CERT1: variants seen among roughly 807,000 people sequenced by gnomAD.
CERT1 encodes the protein ceramide transporter 1, also known as ceramide transfer protein.
Under a neutral mutation model 87.9 loss-of-function variants are expected in CERT1, and 31 were observed. The ratio of observed to expected loss-of-function variants is 0.35; its 90% CI spans 0.27 to 0.48. The LOEUF is 0.48. Ranked by LOEUF, CERT1 falls within the 20% of genes least tolerant of loss-of-function variation. The pLI is 0.99. For missense variants in CERT1, 487 were observed against 758.0 expected, an observed-to-expected ratio of 0.64 and a Z score of 4.20; for synonymous variants, 289 against 250.9, an observed-to-expected ratio of 1.15 and a Z score of -1.44.
intron 17 of CERT1, chr5:75,372,161 G>C (rs1266631434): frequency 6.6e-6 from 1 of 152,160 alleles, no homozygotes; most frequent in Non-Finnish European, 1.5e-5. Context: ...CCATACTTCT[G>C]TAAAATAAAG....
At chr5:75,422,319 A>T (rs1242030056) in intron 5 of CERT1, among the ~76,000 whole-genome samples, 5 of 152,114 alleles carry the variant, frequency 3.3e-5, no homozygotes, top group Non-Finnish European at 7.4e-5. Flanking sequence ...AAACAGACAC[A>T]AAATAGCTTT....
intron 3 of CERT1, among the ~76,000 whole-genome samples, chr5:75,426,758 T>G (rs1763635342): frequency 6.6e-6 from 1 of 152,156 alleles, no homozygotes; most frequent in Non-Finnish European, 1.5e-5. Flanking sequence ...GAAAGCAGAA[T>G]AGTTGTTACC....
downstream of CERT1, chr5:75,373,840 C>T (rs149004077): frequency 7.2e-4 from 259 of 359,952 alleles, no homozygotes; most frequent in African/African-American, 5.0e-3. Context: ...TAGGCCGGAC[C>T]ATAGTAAATT....
intron 5 of CERT1, among the ~76,000 whole-genome samples, chr5:75,422,557 C>A (rs1201457888): frequency 6.6e-6 from 1 of 152,142 alleles, no homozygotes; most frequent in African/African-American, 2.4e-5. Context: ...GCGGAGGTTG[C>A]AGTGAGCCAA....
chr5:75,454,441 A>G (rs1343737131), intron 3 of CERT1, among the ~76,000 whole-genome samples: 1 of 152,210 alleles, frequency 6.6e-6, no homozygotes, highest in East Asian at 1.9e-4. Flanking sequence ...AGACTACAAA[A>G]ATGATGTCAG....
chr5:75,433,215 C>G (rs935175757), intron 3 of CERT1, among the ~76,000 whole-genome samples: 1 of 152,050 alleles, frequency 6.6e-6, no homozygotes, highest in African/African-American at 2.4e-5. Flanking sequence ...ATAGTTTTTT[C>G]TAATTCTGTG....
chr5:75,389,659 G>A lies in CERT1; in HGVS notation c.1217C>T (p.Thr406Ile), dbSNP rs765040274. The change falls in exon 12 of 17, where the codon ACT becomes ATT. Residue 406 changes from threonine to isoleucine, a missense_variant. By Grantham distance (89) the Thr-to-Ile change is moderately conservative. Around this residue, in one of 8 missense-constraint regions of CERT1, gnomAD observed 91 missense variants for 86.7 expected, o/e 1.05. Transcript: ENST00000643780. ...TCCGCCTACATCCTGTAATGAGTAA[G>A]TCATGTGGTTCTGCACCATCTCTTC... Reference protein sequence around the residue: ...QVEEMVQNHMTYSLQDVGGDA... With the variant: ...QVEEMVQNHMIYSLQDVGGDA... 4 of 1,614,044 alleles carry A rather than the reference G, an allele frequency of 2.5e-6. No homozygotes were observed. The South Asian group carries it at 3.3e-5, about 13-fold the overall frequency.
At chr5:75,430,776 A>G (rs991347155) in intron 3 of CERT1, among the ~76,000 whole-genome samples, 1 of 152,090 alleles carries the variant, frequency 6.6e-6, no homozygotes, top group Non-Finnish European at 1.5e-5. Context: ...AGTGGCTCAC[A>G]CCTGTAATCC....
intron 3 of CERT1, among the ~76,000 whole-genome samples, chr5:75,451,047 A>G (rs75702386): frequency 0.026 from 4,020 of 152,280 alleles, 152 homozygotes; most frequent in African/African-American, 0.087. Flanking sequence ...GTTACTTTAT[A>G]AACCCTCGAC....
intron 2 of CERT1, 151 bp downstream of exon 2, chr5:75,505,831 C>T: frequency 5.8e-6 from 3 of 516,448 alleles, no homozygotes; most frequent in Non-Finnish European, 9.6e-6. Flanking sequence ...ACAGTAAAAT[C>T]ACTTTATGGA....
intron 2 of CERT1, among the ~76,000 whole-genome samples, chr5:75,467,454 A>C (rs1049106467): frequency 6.6e-6 from 1 of 152,058 alleles, no homozygotes; most frequent in Non-Finnish European, 1.5e-5. Flanking sequence ...TAGCCTGGTC[A>C]ACATGGCGAA....
chr5:75,502,319 AG>A (rs1284121545), intron 2 of CERT1, among the ~76,000 whole-genome samples: 1 of 152,144 alleles, frequency 6.6e-6, no homozygotes, highest in African/African-American at 2.4e-5. Flanking sequence ...CTTGCGGGTA[AG>A]GAGAAACAGA....
At chr5:75,463,986 G>A (rs1483722640) in intron 2 of CERT1, among the ~76,000 whole-genome samples, 1 of 152,086 alleles carries the variant, frequency 6.6e-6, no homozygotes, top group Non-Finnish European at 1.5e-5. Flanking sequence ...TACCTGGGAG[G>A]CCTGATGGTT....
At chr5:75,427,174 T>C (rs893874251) in intron 3 of CERT1, among the ~76,000 whole-genome samples, 1 of 152,226 alleles carries the variant, frequency 6.6e-6, no homozygotes, top group Admixed American at 6.5e-5. Context: ...AAATTTTATA[T>C]CTTACCTTCT....
chr5:75,417,726 A>G (rs1257616367), intron 6 of CERT1, among the ~76,000 whole-genome samples: 1 of 152,252 alleles, frequency 6.6e-6, no homozygotes, highest in Non-Finnish European at 1.5e-5. Flanking sequence ...ACTTAAATCA[A>G]AATGTAAAAT....
intron 2 of CERT1, among the ~76,000 whole-genome samples, chr5:75,483,473 G>A (rs140766542): frequency 3.9e-5 from 6 of 152,050 alleles, no homozygotes; most frequent in Non-Finnish European, 5.9e-5. Context: ...GATTCAAAGC[G>A]ATAACAACAG....
intron 3 of CERT1, among the ~76,000 whole-genome samples, chr5:75,443,056 G>A (rs948192678): frequency 1.3e-5 from 2 of 152,080 alleles, no homozygotes; most frequent in African/African-American, 2.4e-5. Context: ...AGGTAGGACT[G>A]CTATAACATC....
At chr5:75,506,145 G>C in intron 1 of CERT1, 29 bp from the exon 2 acceptor site, 1 of 1,594,572 alleles carries the variant, frequency 6.3e-7, no homozygotes, top group Non-Finnish European at 8.5e-7. Context: ...AGGGAAGAGA[G>C]AAGAAAACAA....
intron 2 of CERT1, among the ~76,000 whole-genome samples, chr5:75,474,166 T>C (rs1765849818): frequency 1.3e-5 from 2 of 152,178 alleles, no homozygotes; most frequent in South Asian, 4.1e-4. Context: ...CCCTGCCCTG[T>C]TCTGTTTCTC....
Sources: allele counts gnomAD v4.1 joint callset (sites outside exome capture counted in the v4.1 genomes callset), GRCh38; gene constraint gnomAD v4.1.1; regional missense constraint gnomAD v4.1.1; transcripts MANE v1.5; gene names NCBI Gene and HGNC (gene_info 2026-07-23, HGNC 2026-07-21).